Variants in COG5 observed in about 807,000 individuals in gnomAD.
COG5 encodes the protein conserved oligomeric Golgi complex subunit 5.
A neutral mutation model predicts 110.4 loss-of-function variants in COG5; 86 were observed. That is an observed-to-expected ratio of 0.78 (90% CI 0.65 to 0.93). The LOEUF (loss-of-function observed/expected upper bound fraction) is 0.93. Among genes scored for constraint, COG5 ranks in the 40% least tolerant of loss-of-function variants. The probability of loss-of-function intolerance (pLI) is 0.00; values close to 1 mark genes in which losing one functional copy is unlikely to be tolerated. For missense variants in COG5, 1,077 were observed against 987.0 expected, an observed-to-expected ratio of 1.09 and a Z score of -1.22; for synonymous variants, 360 against 334.6, an observed-to-expected ratio of 1.08 and a Z score of -0.83.
At chr7:107,274,126 T>C (rs1804498987) in intron 14 of COG5, among the ~76,000 whole-genome samples, 4 of 152,048 alleles carry the variant, frequency 2.6e-5, no homozygotes, top group Admixed American at 6.5e-5. Context: ...GCGTCCATCT[T>C]TGGGAATAAA....
chr7:107,278,064 C>T (rs1804846110), intron 14 of COG5, among the ~76,000 whole-genome samples: 1 of 151,992 alleles, frequency 6.6e-6, no homozygotes. Flanking sequence ...AGCCAAGAGA[C>T]TTCTATAACC....
intron 7 of COG5, among the ~76,000 whole-genome samples, chr7:107,381,086 T>G (rs1306563612): frequency 1.3e-5 from 2 of 152,196 alleles, no homozygotes; most frequent in African/African-American, 2.4e-5. Flanking sequence ...GTGAACATAT[T>G]AATTAAATTC....
chr7:107,227,273 C>T (rs1800409947), intron 19 of COG5, among the ~76,000 whole-genome samples: 1 of 151,986 alleles, frequency 6.6e-6, no homozygotes. Flanking sequence ...ATATGGGTGT[C>T]CATGTATATG....
intron 6 of COG5, among the ~76,000 whole-genome samples, chr7:107,421,842 A>G (rs1563025329): frequency 1.3e-5 from 2 of 152,126 alleles, no homozygotes; most frequent in African/African-American, 2.4e-5. Context: ...AAATTAGTAC[A>G]TTTTTAAATA....
chr7:107,492,819 A>T (rs968114402), intron 6 of COG5, among the ~76,000 whole-genome samples: 2 of 152,164 alleles, frequency 1.3e-5, no homozygotes, highest in Non-Finnish European at 2.9e-5. Flanking sequence ...AATGTAAGTT[A>T]ACATATTCAT....
intron 11 of COG5, among the ~76,000 whole-genome samples, chr7:107,301,704 A>G (rs993647307): frequency 6.6e-6 from 1 of 152,126 alleles, no homozygotes; most frequent in African/African-American, 2.4e-5. Context: ...CTCCATCTCT[A>G]CTAAAAATAC....
intron 6 of COG5, among the ~76,000 whole-genome samples, chr7:107,481,346 A>G (rs575358203): frequency 2.6e-4 from 39 of 152,312 alleles, no homozygotes; most frequent in African/African-American, 8.9e-4. Context: ...CATAATACTC[A>G]TAAGATTTGA....
chr7:107,514,329 T>TACACACACACAC (rs61351697), intron 6 of COG5, among the ~76,000 whole-genome samples: 83 of 145,740 alleles, frequency 5.7e-4, no homozygotes, highest in African/African-American at 2.1e-3. Context: ...TGGCCTATTT[T>TACACACACACAC]ACACACACAC....
At chr7:107,430,240 T>A (rs1012658716) in intron 6 of COG5, among the ~76,000 whole-genome samples, 4 of 152,250 alleles carry the variant, frequency 2.6e-5, no homozygotes, top group Admixed American at 6.5e-5. Context: ...TTTAGGTATA[T>A]GATACATTTT....
At chr7:107,520,055 C>T (rs1277749995) in intron 6 of COG5, among the ~76,000 whole-genome samples, 1 of 152,108 alleles carries the variant, frequency 6.6e-6, no homozygotes, top group Non-Finnish European at 1.5e-5. Context: ...CATAAGATTA[C>T]CTCAACAGAC....
intron 10 of COG5, among the ~76,000 whole-genome samples, chr7:107,357,782 C>T (rs556811663): frequency 3.0e-4 from 46 of 152,304 alleles, no homozygotes; most frequent in Admixed American, 1.4e-3. Context: ...AATCCTCCTG[C>T]TTCAGACTCC....
At chr7:107,507,756 T>G (rs150489798) in intron 6 of COG5, among the ~76,000 whole-genome samples, 1 of 152,318 alleles carries the variant, frequency 6.6e-6, no homozygotes, top group East Asian at 1.9e-4. Context: ...AACGTTTGCC[T>G]ATAAGTATTG....
At chr7:107,230,770 G>C in intron 18 of COG5, 79 bp from the exon 19 acceptor site, 1 of 1,121,038 alleles carries the variant, frequency 8.9e-7, no homozygotes, top group South Asian at 1.2e-5. Flanking sequence ...ATCACAGAAA[G>C]TTGTAGCTTG....
chr7:107,264,169 T>C (rs1424301975), intron 14 of COG5, among the ~76,000 whole-genome samples: 1 of 152,154 alleles, frequency 6.6e-6, no homozygotes, highest in Non-Finnish European at 1.5e-5. Context: ...CAATAATCAA[T>C]TGTGGCCCTG....
intron 10 of COG5, among the ~76,000 whole-genome samples, chr7:107,340,872 C>T (rs1431812465): frequency 1.3e-5 from 2 of 152,048 alleles, no homozygotes; most frequent in Non-Finnish European, 2.9e-5. Flanking sequence ...ATCAAAGGAA[C>T]ATACCTCAAA....
intron 6 of COG5, among the ~76,000 whole-genome samples, chr7:107,483,780 A>G (rs1265411357): frequency 1.3e-5 from 2 of 152,048 alleles, no homozygotes; most frequent in Non-Finnish European, 2.9e-5. Flanking sequence ...TTATAGAAAA[A>G]TATTTGCCAA....
intron 6 of COG5, chr7:107,480,908 C>G (rs1413866927): frequency 2.0e-5 from 3 of 152,132 alleles, no homozygotes. Flanking sequence ...AATAATATTT[C>G]TTCCCTTGCT....
At chr7:107,428,708 A>G (rs1280630356) in intron 6 of COG5, among the ~76,000 whole-genome samples, 2 of 152,108 alleles carry the variant, frequency 1.3e-5, no homozygotes, top group African/African-American at 4.8e-5. Flanking sequence ...TTTTTTTTCT[A>G]TCTTCAATCA....
chr7:107,228,650 G>C (rs942474595), intron 19 of COG5, among the ~76,000 whole-genome samples: 4 of 152,054 alleles, frequency 2.6e-5, no homozygotes, highest in Non-Finnish European at 5.9e-5. Flanking sequence ...GATTTGAGCT[G>C]ATACAAAGAA....
Sources: gnomAD v4.1 joint callset for allele counts (sites outside exome capture counted in the v4.1 genomes callset) on GRCh38, gnomAD v4.1.1 for gene constraint, MANE v1.5 for transcripts, NCBI Gene and HGNC (gene_info 2026-07-23, HGNC 2026-07-21) for gene names.